ATP2B2: variants seen among roughly 807,000 people sequenced by gnomAD.
The protein encoded by ATP2B2 is plasma membrane calcium-transporting ATPase 2.
A neutral mutation model predicts 120.0 loss-of-function variants in ATP2B2; 15 were observed. The observed-to-expected ratio is 0.12, with a 90% CI of 0.08 to 0.19. ATP2B2 has a LOEUF of 0.19. Ranked by LOEUF, ATP2B2 falls within the 10% of genes least tolerant of loss-of-function variation. The pLI, the probability that ATP2B2 is intolerant of heterozygous loss-of-function variation, is 1.00. For missense variants in ATP2B2, 1,045 were observed against 1,719.8 expected (o/e 0.61, Z 6.94); for synonymous variants, 694 against 700.3 (o/e 0.99, Z 0.14).
intron 3 of ATP2B2, 62 bp downstream of exon 3, chr3:10,410,556 C>A (rs1273416669): frequency 1.6e-5 from 25 of 1,519,564 alleles, no homozygotes; most frequent in Non-Finnish European, 1.8e-6. Context: ...CGTGAGTGCC[C>A]CCCAGCGTGG....
At chr3:10,645,088 T>A (rs556307423) in intron 1 of ATP2B2, among the ~76,000 whole-genome samples, 215 of 152,196 alleles carry the variant, frequency 1.4e-3, no homozygotes, top group African/African-American at 4.9e-3. Flanking sequence ...ACTACGTATG[T>A]CGGGGTGGGT....
At chr3:10,520,975 G>A (rs997101188) in intron 3 of ATP2B2, among the ~76,000 whole-genome samples, 1 of 152,170 alleles carries the variant, frequency 6.6e-6, no homozygotes, top group Non-Finnish European at 1.5e-5. Context: ...AGGTGTTAAA[G>A]CCAGACTTTT....
chr3:10,559,463 A>T (rs2067853267), intron 2 of ATP2B2, among the ~76,000 whole-genome samples: 1 of 152,208 alleles, frequency 6.6e-6, no homozygotes, highest in Non-Finnish European at 1.5e-5. Flanking sequence ...TGCTCACTAC[A>T]CACGTATGGA....
At chr3:10,377,361 C>A (rs1467891246) in intron 10 of ATP2B2, among the ~76,000 whole-genome samples, 2 of 152,210 alleles carry the variant, frequency 1.3e-5, no homozygotes, top group Non-Finnish European at 2.9e-5. Context: ...CGGGAGCTGT[C>A]ACCAGGCCCC....
Position 10,372,328 on chromosome 3 carries a change from A to G in ATP2B2, c.1417-277T>C, listed in dbSNP as rs143457116. 3.0e-3 allele frequency among the ~76,000 whole-genome samples: 450 copies of G among 152,328 alleles called. 6 individuals are homozygous for G. The highest frequency in any genetic ancestry group is 0.01 in the African/African-American group (421 of 41,564). ...AATTTGGATTACAGAAGTAATCTAC[A>G]TTCTTTACGGGAAGAAGGGGGAAAG... is the stretch of plus-strand genomic sequence containing the variant. On this transcript the variant is annotated intron_variant, in intron 11 of 22. Coordinates refer to ENST00000360273, the MANE Select transcript of ATP2B2 (RefSeq NM_001001331.4).
chr3:10,334,847 G>C (rs1217128514), intron 22 of ATP2B2, among the ~76,000 whole-genome samples: 1 of 152,046 alleles, frequency 6.6e-6, no homozygotes, highest in Non-Finnish European at 1.5e-5. Context: ...GGTTTTGGAT[G>C]GGGGTAGAGG....
intron 2 of ATP2B2, among the ~76,000 whole-genome samples, chr3:10,441,207 T>C (rs1389458673): frequency 6.6e-6 from 1 of 152,062 alleles, no homozygotes; most frequent in Admixed American, 6.5e-5. Flanking sequence ...TTGGCTGCCA[T>C]CTTTCCTATT....
At chr3:10,632,282 C>T (rs780931223) in intron 1 of ATP2B2, among the ~76,000 whole-genome samples, 2 of 152,180 alleles carry the variant, frequency 1.3e-5, no homozygotes, top group African/African-American at 2.4e-5. Context: ...CTGGGTGTGA[C>T]TACTCCCATA....
chr3:10,468,341 G>T (rs1290381851), intron 1 of ATP2B2, among the ~76,000 whole-genome samples: 2 of 152,244 alleles, frequency 1.3e-5, no homozygotes, highest in African/African-American at 4.8e-5. Flanking sequence ...GGGGTGGGAA[G>T]CAGATGGCAG....
At chr3:10,618,593 G>A (rs2069460711) in intron 2 of ATP2B2, among the ~76,000 whole-genome samples, 1 of 152,116 alleles carries the variant, frequency 6.6e-6, no homozygotes, top group Non-Finnish European at 1.5e-5. Flanking sequence ...CTTCGCCCCT[G>A]CCAGCTCTTT....
chr3:10,568,632 C>T lies in ATP2B2; in HGVS notation c.-414-34499G>A, dbSNP rs147939413. 5.3e-5 allele frequency among the ~76,000 whole-genome samples: 8 copies of T among 152,350 alleles called. No homozygotes were observed. In the East Asian group the frequency reaches 1.5e-3, roughly 29 times the overall value. On this transcript the variant is annotated intron_variant, in intron 2 of 21. Coordinates refer to the ATP2B2 transcript ENST00000646379. Reference sequence around the variant, plus strand: ...CAGAAATGTCCCTTTGGACTCAAGGCCTCAGGAAACCACGGCCTCCTGTTC... The same window carrying T: ...CAGAAATGTCCCTTTGGACTCAAGGTCTCAGGAAACCACGGCCTCCTGTTC...
chr3:10,593,957 C>T (rs1286301675), intron 2 of ATP2B2, among the ~76,000 whole-genome samples: 4 of 152,182 alleles, frequency 2.6e-5, no homozygotes, highest in Non-Finnish European at 4.4e-5. Flanking sequence ...CCAACAGACA[C>T]ATGAAAAAAT....
chr3:10,649,149 T>C (rs1575591180), intron 1 of ATP2B2, among the ~76,000 whole-genome samples: 1 of 152,210 alleles, frequency 6.6e-6, no homozygotes, highest in Non-Finnish European at 1.5e-5. Flanking sequence ...TTTTAAGTGA[T>C]CTTCCCACCT....
At chr3:10,569,888 G>C (rs2068086269) in intron 2 of ATP2B2, among the ~76,000 whole-genome samples, 1 of 152,170 alleles carries the variant, frequency 6.6e-6, no homozygotes, top group Non-Finnish European at 1.5e-5. Flanking sequence ...CACAGACTGG[G>C]ATACCTATTT....
At chr3:10,539,623 C>A (rs1441768029) in intron 2 of ATP2B2, among the ~76,000 whole-genome samples, 3 of 152,018 alleles carry the variant, frequency 2.0e-5, no homozygotes, top group Admixed American at 6.6e-5. Flanking sequence ...GGGAAAGGAT[C>A]CCCTATTTAA....
intron 2 of ATP2B2, among the ~76,000 whole-genome samples, chr3:10,576,787 G>C (rs376510058): frequency 6.6e-6 from 1 of 152,206 alleles, no homozygotes; most frequent in East Asian, 1.9e-4. Context: ...AGCTGGGGCC[G>C]GGCGCGGTGG....
chr3:10,647,302 T>C lies in ATP2B2; in HGVS notation c.-459-27341A>G, dbSNP rs1480401108. ...GGCAAACAGGAAGTCAAGTGGTGGA[T>C]GTGAGGCAGGGAAGGCAGAGTGGGG... On this transcript the variant is annotated intron_variant, in intron 1 of 21. Coordinates refer to the ATP2B2 transcript ENST00000646379. 5.9e-5 allele frequency among the ~76,000 whole-genome samples: 9 copies of C among 152,094 alleles called. No homozygotes were observed. In the East Asian group the frequency reaches 1.7e-3, roughly 29 times the overall value.
At chr3:10,450,955 C>T (rs1312662683) in intron 1 of ATP2B2, among the ~76,000 whole-genome samples, 1 of 152,122 alleles carries the variant, frequency 6.6e-6, no homozygotes. Context: ...AGCTGGCCAT[C>T]CTGGGCCCAG....
intron 1 of ATP2B2, among the ~76,000 whole-genome samples, chr3:10,472,076 G>A (rs1201408524): frequency 1.4e-4 from 13 of 91,522 alleles, no homozygotes; most frequent in Middle Eastern, 6.2e-3. Context: ...GCGAGACTCC[G>A]TCTCAAAAAA....
Sources: allele counts gnomAD v4.1 joint callset (sites outside exome capture counted in the v4.1 genomes callset), GRCh38; gene constraint gnomAD v4.1.1; transcripts MANE v1.5; gene names NCBI Gene and HGNC (gene_info 2026-07-23, HGNC 2026-07-21).